The following ZNF704 variants were observed in gnomAD, a reference collection of about 807,000 sequenced individuals.
ZNF704 encodes the protein glucocorticoid induced gene 1.
Under a neutral mutation model 44.7 loss-of-function variants are expected in ZNF704, and 10 were observed. That is an observed-to-expected ratio of 0.22 (90% CI 0.14 to 0.38). The LOEUF (loss-of-function observed/expected upper bound fraction) is 0.38. ZNF704 is among the 10% of genes least tolerant of loss of function. The probability of loss-of-function intolerance (pLI) is 1.00; values close to 1 mark genes in which losing one functional copy is unlikely to be tolerated. For synonymous variants in ZNF704, 211 were observed against 207.6 expected (o/e 1.02, Z -0.14); for missense variants, 390 against 545.5 (o/e 0.71, Z 2.84).
chr8:80,678,197 T>C (rs74876300), intron 4 of ZNF704, among the ~76,000 whole-genome samples: 4,744 of 152,284 alleles, frequency 0.031, 245 homozygotes, highest in African/African-American at 0.11. Flanking sequence ...ATCCTAGAGA[T>C]ATAGAAAGTT....
intron 2 of ZNF704, among the ~76,000 whole-genome samples, chr8:80,719,254 C>G (rs1819124472): frequency 2.0e-5 from 3 of 152,114 alleles, no homozygotes; most frequent in Admixed American, 2.0e-4. Flanking sequence ...TGAGCCACTG[C>G]TCCTGGCCAT....
intron 4 of ZNF704, among the ~76,000 whole-genome samples, chr8:80,686,092 A>C (rs1278429146): frequency 6.6e-6 from 1 of 152,230 alleles, no homozygotes; most frequent in Middle Eastern, 3.2e-3. Flanking sequence ...TGAAATGGAA[A>C]TGTTTTCGAA....
At chr8:80,690,551 C>T (rs1818614802) in intron 3 of ZNF704, among the ~76,000 whole-genome samples, 2 of 152,246 alleles carry the variant, frequency 1.3e-5, no homozygotes, top group South Asian at 2.1e-4. Context: ...TGTTACCATA[C>T]CTGACTATAG....
At chr8:80,841,362 A>AC (rs1297745426) in intron 1 of ZNF704, among the ~76,000 whole-genome samples, 4 of 152,224 alleles carry the variant, frequency 2.6e-5, no homozygotes, top group Non-Finnish European at 5.9e-5. Flanking sequence ...GAGCCAAGCT[A>AC]CAGTATCTGC....
At chr8:80,645,928 G>A (rs182124112) in intron 7 of ZNF704, among the ~76,000 whole-genome samples, 1 of 152,180 alleles carries the variant, frequency 6.6e-6, no homozygotes, top group East Asian at 1.9e-4. Context: ...TAAGAGGTGG[G>A]GCCCTTAAGA....
intron 2 of ZNF704, among the ~76,000 whole-genome samples, chr8:80,699,637 C>G (rs1450000962): frequency 6.6e-6 from 1 of 152,194 alleles, no homozygotes; most frequent in Admixed American, 6.5e-5. Context: ...GCACCCCTTC[C>G]TCTTAATTTC....
chr8:80,685,044 A>G (rs1818512084), intron 4 of ZNF704, among the ~76,000 whole-genome samples: 1 of 152,132 alleles, frequency 6.6e-6, no homozygotes, highest in Non-Finnish European at 1.5e-5. Flanking sequence ...GAAGTCATAA[A>G]GAAAGAAGGA....
chr8:80,777,881 CAAAAA>C (rs1310505808), intron 2 of ZNF704, among the ~76,000 whole-genome samples: 1 of 91,464 alleles, frequency 1.1e-5, no homozygotes, highest in African/African-American at 3.5e-5. Context: ...TGCGACTCAA[CAAAAA>C]AAAAAAAAAA....
At chr8:80,725,301 T>G (rs902710272) in intron 2 of ZNF704, among the ~76,000 whole-genome samples, 18 of 152,268 alleles carry the variant, frequency 1.2e-4, no homozygotes, top group African/African-American at 3.8e-4. Context: ...AATTTTCATC[T>G]CAGATAAATA....
chr8:80,760,124 G>T (rs1039982679), intron 2 of ZNF704, among the ~76,000 whole-genome samples: 2 of 152,142 alleles, frequency 1.3e-5, no homozygotes, highest in Non-Finnish European at 2.9e-5. Flanking sequence ...GCTAAGCTGT[G>T]CCCCTATTCC....
chr8:80,837,434 T>C (rs1808601150), intron 1 of ZNF704, among the ~76,000 whole-genome samples: 1 of 152,150 alleles, frequency 6.6e-6, no homozygotes, highest in Admixed American at 6.5e-5. Flanking sequence ...CAGGATAGAC[T>C]TGTAGAGAGA....
intron 7 of ZNF704, among the ~76,000 whole-genome samples, chr8:80,647,648 G>A (rs1817854528): frequency 6.6e-6 from 1 of 152,178 alleles, no homozygotes; most frequent in African/African-American, 2.4e-5. Context: ...CTGTTGTTTA[G>A]AGGCACAGCC....
At chr8:80,795,949 C>T (rs994123865) in intron 2 of ZNF704, among the ~76,000 whole-genome samples, 2 of 152,182 alleles carry the variant, frequency 1.3e-5, no homozygotes, top group Middle Eastern at 6.8e-3. Flanking sequence ...CTTGGTGGTG[C>T]TGATGATACT....
In ZNF704 at chr8:80,664,909, G is replaced by A. The variant is rs150965443; in HGVS notation, c.833C>T (p.Thr278Ile). Reference sequence around the variant, plus strand: ...CTTAGTCTCCGTTTTGGCACAAGGAGTTTCTGTTCGGCTTGAATCTGGGAT... The same window carrying A: ...CTTAGTCTCCGTTTTGGCACAAGGAATTTCTGTTCGGCTTGAATCTGGGAT... ...FPIPDSSRTE[T>I]PCAKTETKLM... is the part of the protein sequence containing the mutation. The change falls in exon 6 of 9, where the codon ACT (threonine) becomes ATT (isoleucine). Residue 278 changes from threonine to isoleucine, a missense_variant. Coordinates refer to ENST00000327835, the MANE Select transcript of ZNF704 (RefSeq NM_001033723.3). 6.2e-5 allele frequency: 100 copies of A among 1,614,198 alleles called. No homozygotes were observed. In the African/African-American group the frequency reaches 1.1e-3, roughly 17 times the overall value.
chr8:80,865,758 T>C (rs1023993281), intron 1 of ZNF704, among the ~76,000 whole-genome samples: 2 of 152,134 alleles, frequency 1.3e-5, no homozygotes, highest in African/African-American at 4.8e-5. Flanking sequence ...CATGGAGCAG[T>C]GCCCAGGCAG....
chr8:80,724,023 C>T (rs1291025385), intron 2 of ZNF704, among the ~76,000 whole-genome samples: 1 of 152,172 alleles, frequency 6.6e-6, no homozygotes, highest in African/African-American at 2.4e-5. Flanking sequence ...TTAGGTGGAA[C>T]TGTATTATAT....
Position 80,679,065 on chromosome 8 carries a change from T to C in ZNF704, c.558+8161A>G, listed in dbSNP as rs148207105. Among the ~76,000 whole-genome samples the C allele has an allele frequency of 3.0e-4, 45 of 152,294 alleles. 2 individuals carry two copies. In the East Asian group the frequency reaches 8.1e-3, roughly 27 times the overall value. ...TATTTCCAGAGTTCTGGTAACCTTC[T>C]GGATTGTAGAAATTCCTCCCTTGTA... On this transcript the variant is annotated intron_variant, in intron 4 of 8. Coordinates refer to ENST00000327835, the MANE Select transcript of ZNF704 (RefSeq NM_001033723.3).
intron 7 of ZNF704, among the ~76,000 whole-genome samples, chr8:80,651,422 A>G (rs1453010348): frequency 6.6e-6 from 1 of 152,206 alleles, no homozygotes; most frequent in Non-Finnish European, 1.5e-5. Flanking sequence ...CAGGAAACCC[A>G]TCTCATGTGC....
chr8:80,874,267 G>GCGGCCGGCGGCTACGGCGGGA lies in ZNF704; in HGVS notation c.-22+303_-22+304insTCCCGCCGTAGCCGCCGGCCG, dbSNP rs1234014791. On this transcript the variant is annotated intron_variant, in intron 1 of 8. Coordinates refer to ENST00000327835, the MANE Select transcript of ZNF704 (RefSeq NM_001033723.3). The surrounding 1 kb of genome is among the most constrained non-coding windows in gnomAD (Gnocchi z 4.4). ...GCCGGCGGCCGGCGGCTACGGCGGG[G>GCGGCCGGCGGCTACGGCGGGA]CGGCGCGGCGGCCGCGGGCGGGGGT... Among the ~76,000 whole-genome samples the GCGGCCGGCGGCTACGGCGGGA allele has an allele frequency of 6.9e-6, 1 of 144,234 alleles. No homozygotes were observed. Among genetic ancestry groups the GCGGCCGGCGGCTACGGCGGGA allele is most frequent in the African/African-American group, 2.5e-5 (1 of 40,278 alleles). The allele number at this position is 144,234 out of a possible 152,430, so 94.6% of individuals were successfully genotyped here. A position where few individuals can be genotyped will look rare whatever the true frequency, so the allele number is the denominator to read the frequency against.
Sources: gnomAD v4.1 joint callset for allele counts (sites outside exome capture counted in the v4.1 genomes callset) on GRCh38, gnomAD v4.1.1 for gene constraint, Gnocchi (gnomAD v3.1) non-coding constraint, MANE v1.5 for transcripts, NCBI Gene and HGNC (gene_info 2026-07-23, HGNC 2026-07-21) for gene names.